Variants in THEMIS observed in about 807,000 individuals in gnomAD.
THEMIS encodes the protein thymocyte selection associated.
Under a neutral mutation model 52.6 loss-of-function variants are expected in THEMIS, and 37 were observed. The ratio of observed to expected loss-of-function variants is 0.70; its 90% CI spans 0.54 to 0.93. THEMIS has a LOEUF of 0.93. Among genes scored for constraint, THEMIS ranks in the 40% least tolerant of loss-of-function variants. THEMIS has a pLI of 0.00. For synonymous variants in THEMIS, 292 were observed against 272.7 expected (o/e 1.07, Z -0.70); for missense variants, 808 against 763.1 (o/e 1.06, Z -0.69).
In THEMIS at chr6:127,787,659, C is replaced by T. The variant is rs9491871; in HGVS notation, c.1758+25224G>A. The stretch of plus-strand genomic sequence containing the variant: ...ATGATATATACAATATCTTGATAAA[C>T]GATACCATAAAATGATTCTCGTTTC... On this transcript the variant is annotated intron_variant, in intron 4 of 5. Coordinates refer to ENST00000368248, the MANE Select transcript of THEMIS (RefSeq NM_001010923.3). Among the ~76,000 whole-genome samples, 231 of 152,088 alleles carry T rather than the reference C, an allele frequency of 1.5e-3. 1 individual carries two copies. The highest frequency in any genetic ancestry group is 4.9e-3 in the African/African-American group (205 of 41,496).
At chr6:127,805,030 C>A (rs1031887747) in intron 4 of THEMIS, among the ~76,000 whole-genome samples, 2 of 151,982 alleles carry the variant, frequency 1.3e-5, no homozygotes, top group African/African-American at 4.8e-5. Flanking sequence ...TTTGTGTGCA[C>A]CTTCATAAAT....
chr6:127,848,660 T>C (rs1779309423), intron 2 of THEMIS, among the ~76,000 whole-genome samples: 1 of 152,178 alleles, frequency 6.6e-6, no homozygotes, highest in Non-Finnish European at 1.5e-5. Context: ...TTGATTTGCA[T>C]TCCTCTGATG....
the THEMIS span, among the ~76,000 whole-genome samples, chr6:127,700,936 A>G: frequency 6.6e-6 from 1 of 152,024 alleles, no homozygotes; most frequent in African/African-American, 2.4e-5. Context: ...TCTCATCCCC[A>G]ATCTCTCCTC....
intron 4 of THEMIS, among the ~76,000 whole-genome samples, chr6:127,787,235 C>T (rs1776980692): frequency 6.6e-6 from 1 of 151,990 alleles, no homozygotes; most frequent in Non-Finnish European, 1.5e-5. Context: ...TCCTGTTTAT[C>T]TTTGTCTCTT....
At chr6:127,787,880 T>TAGAGATAG (rs200767496) in intron 4 of THEMIS, among the ~76,000 whole-genome samples, 2 of 119,908 alleles carry the variant, frequency 1.7e-5, no homozygotes, top group African/African-American at 6.0e-5. Flanking sequence ...GATAGATAGA[T>TAGAGATAG]ATAGATAGAT....
intron 1 of THEMIS, among the ~76,000 whole-genome samples, chr6:127,872,982 GT>G (rs1780202635): frequency 6.6e-6 from 1 of 152,094 alleles, no homozygotes; most frequent in African/African-American, 2.4e-5. Flanking sequence ...TCAAAAATCA[GT>G]TTTATTTCTG....
At chr6:127,844,233 A>G (rs973364431) in intron 2 of THEMIS, among the ~76,000 whole-genome samples, 4 of 151,956 alleles carry the variant, frequency 2.6e-5, no homozygotes, top group Non-Finnish European at 5.9e-5. Context: ...CTCATCTGTA[A>G]AGTCTGAATT....
chr6:127,722,158 G>A (rs2114492156), intron 4 of THEMIS, among the ~76,000 whole-genome samples: 1 of 152,026 alleles, frequency 6.6e-6, no homozygotes, highest in Middle Eastern at 3.4e-3. Flanking sequence ...CATTTTCCTG[G>A]AAACAGTTCC....
chr6:127,766,046 C>A (rs1776187577), intron 4 of THEMIS, among the ~76,000 whole-genome samples: 1 of 152,036 alleles, frequency 6.6e-6, no homozygotes, highest in Non-Finnish European at 1.5e-5. Flanking sequence ...GCAAACAGAT[C>A]AAAATTTAGC....
intron 4 of THEMIS, among the ~76,000 whole-genome samples, chr6:127,727,253 G>C (rs958967815): frequency 1.3e-5 from 2 of 152,088 alleles, no homozygotes; most frequent in Admixed American, 6.6e-5. Context: ...ATTTTAATGG[G>C]AAATCATAAC....
intron 1 of THEMIS, among the ~76,000 whole-genome samples, chr6:127,917,475 C>G (rs1249836506): frequency 6.6e-6 from 1 of 152,220 alleles, no homozygotes; most frequent in Non-Finnish European, 1.5e-5. Context: ...TGTGTGATTA[C>G]TGAACCTAGC....
chr6:127,804,921 G>A (rs1354374921), intron 4 of THEMIS, among the ~76,000 whole-genome samples: 1 of 152,022 alleles, frequency 6.6e-6, no homozygotes, highest in Non-Finnish European at 1.5e-5. Flanking sequence ...TCACAAGTCA[G>A]AATAATATTG....
At chr6:127,915,397 G>T (rs1409179265) in intron 1 of THEMIS, among the ~76,000 whole-genome samples, 1 of 152,116 alleles carries the variant, frequency 6.6e-6, no homozygotes, top group East Asian at 1.9e-4. Context: ...ACAGCTGAAA[G>T]AGTTGAATTT....
At chr6:127,749,282 A>G (rs1775553641) in intron 4 of THEMIS, among the ~76,000 whole-genome samples, 1 of 152,046 alleles carries the variant, frequency 6.6e-6, no homozygotes, top group Non-Finnish European at 1.5e-5. Flanking sequence ...TGACAAGTGC[A>G]TAAAGATATG....
At chr6:127,916,358 T>G (rs112212446) in intron 1 of THEMIS, among the ~76,000 whole-genome samples, 2,663 of 152,232 alleles carry the variant, frequency 0.017, 83 homozygotes, top group African/African-American at 0.06. Context: ...TCCCCACCAC[T>G]GTCCTCCATC....
intron 4 of THEMIS, among the ~76,000 whole-genome samples, chr6:127,793,496 A>T (rs1364451556): frequency 1.3e-5 from 2 of 152,188 alleles, no homozygotes; most frequent in Non-Finnish European, 2.9e-5. Context: ...ATGCAGGATT[A>T]AGAAGAGAAA....
intron 4 of THEMIS, among the ~76,000 whole-genome samples, chr6:127,742,877 G>C (rs7774647): frequency 0.47 from 71,764 of 151,890 alleles, 17,904 homozygotes; most frequent in Non-Finnish European, 0.53. Context: ...AATGTGAATG[G>C]CCTTAATACA....
intron 4 of THEMIS, among the ~76,000 whole-genome samples, chr6:127,723,587 G>A (rs891456498): frequency 5.9e-5 from 9 of 152,010 alleles, no homozygotes; most frequent in African/African-American, 2.2e-4. Context: ...AGAGGCAGGA[G>A]CTTGCATGCC....
intron 5 of THEMIS, among the ~76,000 whole-genome samples, chr6:127,717,087 G>A (rs1482818992): frequency 6.6e-6 from 1 of 151,766 alleles, no homozygotes; most frequent in Admixed American, 6.6e-5. Context: ...GGAAAACAAA[G>A]TTTTCCTTAG....
Sources: allele counts gnomAD v4.1 joint callset (sites outside exome capture counted in the v4.1 genomes callset), GRCh38; gene constraint gnomAD v4.1.1; transcripts MANE v1.5; gene names NCBI Gene and HGNC (gene_info 2026-07-23, HGNC 2026-07-21).